The following DAPK1 variants were observed in gnomAD, a reference collection of about 807,000 sequenced individuals.
DAPK1 encodes death associated protein kinase 1.
A neutral mutation model predicts 144.9 loss-of-function variants in DAPK1; 56 were observed. The ratio of observed to expected loss-of-function variants is 0.39; its 90% CI spans 0.31 to 0.48. The LOEUF is 0.48. DAPK1 is among the 20% of genes least tolerant of loss of function. DAPK1 has a pLI of 0.95. For missense variants in DAPK1, 1,454 were observed against 1,875.4 expected, an observed-to-expected ratio of 0.78 and a Z score of 4.15; for synonymous variants, 690 against 749.0, an observed-to-expected ratio of 0.92 and a Z score of 1.29.
At chr9:87,616,229 G>A (rs1179896755) in intron 3 of DAPK1, among the ~76,000 whole-genome samples, 1 of 152,228 alleles carries the variant, frequency 6.6e-6, no homozygotes, top group Non-Finnish European at 1.5e-5. Flanking sequence ...AAGCCTAGGA[G>A]TGGGATGGCT....
intron 20 of DAPK1, among the ~76,000 whole-genome samples, chr9:87,684,704 G>A (rs192858197): frequency 9.9e-5 from 15 of 152,212 alleles, no homozygotes; most frequent in African/African-American, 3.4e-4. Context: ...CTATTCCCGC[G>A]GAGAGGAGCC....
chr9:87,513,481 G>GTC (rs548630639), intron 2 of DAPK1, among the ~76,000 whole-genome samples: 21 of 152,208 alleles, frequency 1.4e-4, no homozygotes, highest in Non-Finnish European at 2.6e-4. Flanking sequence ...ATGTATGTAT[G>GTC]TCTCTACCCT....
chr9:87,525,568 A>G (rs1825476515), intron 2 of DAPK1: 1 of 886,208 alleles, frequency 1.1e-6, no homozygotes, highest in Non-Finnish European at 1.8e-6. Flanking sequence ...AAAAAACAAC[A>G]ACAAAAAATG....
At chr9:87,582,462 TG>T (rs1827783219) in intron 2 of DAPK1, among the ~76,000 whole-genome samples, 1 of 152,030 alleles carries the variant, frequency 6.6e-6, no homozygotes. Context: ...GCAAGTTTGT[TG>T]AGACTGACGC....
chr9:87,659,225 A>G (rs1830741614), intron 18 of DAPK1, among the ~76,000 whole-genome samples: 1 of 152,176 alleles, frequency 6.6e-6, no homozygotes, highest in Admixed American at 6.5e-5. Context: ...TGATCTGTGC[A>G]GTGGGGGGCC....
At chr9:87,536,446 A>G (rs1465153463) in intron 2 of DAPK1, among the ~76,000 whole-genome samples, 1 of 152,122 alleles carries the variant, frequency 6.6e-6, no homozygotes, top group African/African-American at 2.4e-5. Flanking sequence ...ATCTGTCTGT[A>G]CTGATTTTGA....
intron 2 of DAPK1, among the ~76,000 whole-genome samples, chr9:87,533,220 A>G (rs528681132): frequency 2.0e-5 from 3 of 152,392 alleles, no homozygotes; most frequent in East Asian, 3.9e-4. Context: ...TGTAAAAATA[A>G]AAGAATGAAA....
At position 87,692,410 on chromosome 9, in the gene DAPK1, A is replaced by G. The variant is rs373834042; in HGVS notation, c.2414-4597A>G. 7.9e-5 allele frequency among the ~76,000 whole-genome samples: 12 copies of G among 152,250 alleles called. No individual in the cohort carries two copies. In the East Asian group the frequency reaches 1.3e-3, roughly 17 times the overall value. On this transcript the variant is annotated intron_variant, in intron 21 of 25. Coordinates refer to ENST00000408954, the MANE Select transcript of DAPK1 (RefSeq NM_004938.4). ...CTTGTCAGCAGCATATAGTTGGGCC[A>G]TGTTTTATTAGTCAAACAGCCAGTC...
At chr9:87,505,221 C>T (rs777814663) in intron 2 of DAPK1, among the ~76,000 whole-genome samples, 1 of 152,268 alleles carries the variant, frequency 6.6e-6, no homozygotes, top group South Asian at 2.1e-4. Flanking sequence ...TAGCCAACTG[C>T]CATGAGTACC....
intron 2 of DAPK1, among the ~76,000 whole-genome samples, chr9:87,588,534 G>C (rs2118867859): frequency 6.6e-6 from 1 of 152,292 alleles, no homozygotes; most frequent in Admixed American, 6.5e-5. Context: ...ACTCAGCAAA[G>C]GTTGTGAGGA....
In DAPK1 at chr9:87,608,277, C is replaced by T. The variant is rs186537900; in HGVS notation, c.284+3102C>T. Among the ~76,000 whole-genome samples, 17 of 152,308 alleles carry T rather than the reference C, an allele frequency of 1.1e-4. No homozygotes were observed. In the East Asian group the frequency reaches 1.2e-3, roughly 10 times the overall value. ...ACAGTATGCAAGTGTTTGAAAGTAG[C>T]TTCTTTCACTCAGCATAATGCATTG... On this transcript the variant is annotated intron_variant, in intron 3 of 25. Coordinates refer to ENST00000408954, the MANE Select transcript of DAPK1 (RefSeq NM_004938.4).
In DAPK1 at chr9:87,639,674, C is replaced by T. The variant is rs1186339326; in HGVS notation, c.578C>T (p.Pro193Leu). 3.1e-6 allele frequency: 5 copies of T among 1,614,136 alleles called. No homozygotes were observed. Among genetic ancestry groups the T allele is most frequent in the Non-Finnish European group, 4.2e-6 (5 of 1,180,016 alleles). ...FVAPEIVNYE[P>L]LGLEADMWSI... is the part of the protein sequence containing the mutation. ...GCTCCTGAGATAGTCAACTATGAAC[C>T]TCTTGGTCTTGAGGCAGATATGTGG... The change falls in exon 6 of 26, where the codon CCT (proline) becomes CTT (leucine). Residue 193 changes from proline (P) to leucine (L), a missense_variant. By Grantham distance (98) the Pro-to-Leu change is moderately conservative. Coordinates refer to ENST00000408954, the MANE Select transcript of DAPK1 (RefSeq NM_004938.4).
At chr9:87,615,227 C>T (rs1281206620) in intron 3 of DAPK1, among the ~76,000 whole-genome samples, 2 of 152,186 alleles carry the variant, frequency 1.3e-5, no homozygotes, top group South Asian at 2.1e-4. Context: ...CAAGTATTAC[C>T]TCACCTTCTT....
chr9:87,684,480 T>G (rs1216723218), intron 20 of DAPK1, among the ~76,000 whole-genome samples: 1 of 152,240 alleles, frequency 6.6e-6, no homozygotes, highest in African/African-American at 2.4e-5. Flanking sequence ...TTTAGAATTT[T>G]GGCCCTTTTC....
chr9:87,596,034 G>A (rs1282386410), intron 2 of DAPK1, among the ~76,000 whole-genome samples: 1 of 150,834 alleles, frequency 6.6e-6, no homozygotes, highest in Non-Finnish European at 1.5e-5. Context: ...GCTTTCCTCT[G>A]CCTCGTAGCT....
chr9:87,604,339 C>T (rs1828637651), intron 2 of DAPK1, among the ~76,000 whole-genome samples: 1 of 152,062 alleles, frequency 6.6e-6, no homozygotes, highest in Non-Finnish European at 1.5e-5. Flanking sequence ...AATCGGCTTC[C>T]CCAAAACCAC....
rs757935466 is a variant in DAPK1 at position 87,681,443 on chromosome 9, A to G, written c.2041A>G (p.Thr681Ala). Residue 681 changes from threonine to alanine, a missense_variant, in exon 20 of 26, where the codon ACA becomes GCA. This residue lies in a region of DAPK1 where 1,025 missense variants were observed against 1,237.9 expected (regional missense o/e 0.83). Coordinates refer to ENST00000408954, the MANE Select transcript of DAPK1 (RefSeq NM_004938.4). The stretch of plus-strand genomic sequence containing the variant: ...ACTCTTCATCCAGCAGCTCCGACCC[A>G]CACAGAACCTGCAGCCAAGAATTAA... ...RGLFIQQLRP[T>A]QNLQPRIKLK... The G allele has an allele frequency of 1.2e-6, 2 of 1,613,396 alleles. No individual in the cohort carries two copies. The highest frequency in any genetic ancestry group is 1.7e-6 in the Non-Finnish European group (2 of 1,179,376).
intron 2 of DAPK1, among the ~76,000 whole-genome samples, chr9:87,511,777 C>A (rs1288375927): frequency 4.0e-5 from 6 of 151,390 alleles, no homozygotes; most frequent in African/African-American, 1.5e-4. Context: ...GTGGCGCGAT[C>A]TCGGCTCACT....
At chr9:87,631,993 T>G in intron 3 of DAPK1, 5 of 720,246 alleles carry the variant, frequency 6.9e-6, no homozygotes, top group South Asian at 6.6e-5. Context: ...TAAAGGAAGA[T>G]GAGTATATAT....
Sources: allele counts gnomAD v4.1 joint callset (sites outside exome capture counted in the v4.1 genomes callset), GRCh38; gene constraint gnomAD v4.1.1; regional missense constraint gnomAD v4.1.1; transcripts MANE v1.5; gene names NCBI Gene and HGNC (gene_info 2026-07-23, HGNC 2026-07-21).